The following GIMD1 variants were observed in gnomAD, a reference collection of about 807,000 sequenced individuals.
GIMD1 encodes the protein GTPase IMAP family member GIMD1.
In GIMD1, 14 loss-of-function variants were observed where a neutral mutation model predicts 14.9. That is an observed-to-expected ratio of 0.94 (90% confidence interval 0.62 to 1.47). GIMD1 has a LOEUF of 1.47. Ranked by LOEUF, GIMD1 falls within the 40% of genes most tolerant of loss-of-function variation. GIMD1 has a pLI of 0.00. For synonymous variants in GIMD1, 91 were observed against 90.5 expected, an observed-to-expected ratio of 1.01 and a Z score of -0.03; for missense variants, 272 against 255.3, an observed-to-expected ratio of 1.07 and a Z score of -0.44.
At chr4:106,365,540 T>G (rs1216349932) in intron 2 of GIMD1, among the ~76,000 whole-genome samples, 1 of 152,144 alleles carries the variant, frequency 6.6e-6, no homozygotes, top group Non-Finnish European at 1.5e-5. Flanking sequence ...CCTATGTCAG[T>G]ATGAGCTGAG....
intron 1 of GIMD1, among the ~76,000 whole-genome samples, chr4:106,368,174 T>G (rs1770734603): frequency 6.6e-6 from 1 of 152,076 alleles, no homozygotes; most frequent in Non-Finnish European, 1.5e-5. Flanking sequence ...ATAAAGAAAG[T>G]AAAGCCTAAC....
In GIMD1 at chr4:106,358,121, G is replaced by A; in HGVS notation, c.*62C>T. 7 of 1,100,566 alleles carry A rather than the reference G, an allele frequency of 6.4e-6. No homozygotes were observed. The highest frequency in any genetic ancestry group is 3.4e-5 in the South Asian group (2 of 58,004). 68.2% of individuals were successfully genotyped at this position (1,100,566 alleles called of 1,614,324 possible). A position where few individuals can be genotyped will look rare whatever the true frequency, so the allele number is the denominator to read the frequency against. On this transcript the variant is annotated 3_prime_UTR_variant, in exon 3 of 3. Coordinates refer to ENST00000638719, the MANE Select transcript of GIMD1 (RefSeq NM_001195138.2). ...ATGGTCCACATTCATGTCAATAAAG[G>A]CATTCTTTGTAGCTAGGTTTCTGAC... is the stretch of plus-strand genomic sequence containing the variant.
At position 106,358,349 on chromosome 4, in the gene GIMD1, A is replaced by G. The variant is rs1182831771; in HGVS notation, c.488T>C (p.Leu163Ser). 2.6e-6 allele frequency: 4 copies of G among 1,533,870 alleles called. No homozygotes were observed. Among genetic ancestry groups the G allele is most frequent in the Non-Finnish European group, 3.5e-6 (4 of 1,145,542 alleles). ...TTTCAGGGTATCAGAGGCCTCATGT[A>G]AATATTTATCTTCAGTAAGCCCAGC... ...EEAGLTEDKY[L>S]HEASDTLKTL... Residue 163 changes from leucine to serine, a missense_variant, in exon 3 of 3, where the codon TTA becomes TCA. Physicochemically the swap from Leu to Ser is moderately radical, Grantham distance 145. Coordinates refer to ENST00000638719, the MANE Select transcript of GIMD1 (RefSeq NM_001195138.2).
Position 106,367,361 on chromosome 4 carries a change from T to C in GIMD1, c.75A>G (p.Gly25=). 6.5e-7 allele frequency: 1 copy of C among 1,535,980 alleles called. No individual in the cohort carries two copies. ...GMTQSGKSSA[G]NILLGSTDFH... ...AGTCTGTGCTTCCCAGCAGAATGTTTCCAGCAGAACTTTTTCCACTCTGAG... is the reference window on the plus strand; with the variant it reads ...AGTCTGTGCTTCCCAGCAGAATGTTCCCAGCAGAACTTTTTCCACTCTGAG... The change falls in exon 2 of 3, where the codon GGA becomes GGG. Residue 25 remains glycine (G), a synonymous_variant. Transcript: ENST00000638719.
At position 106,358,213 on chromosome 4, in the gene GIMD1, C is replaced by A; in HGVS notation, c.624G>T (p.Glu208Asp). The change falls in exon 3 of 3, where the codon GAG becomes GAT. Residue 208 changes from glutamate to aspartate, a missense_variant. By Grantham distance (45) the Glu-to-Asp change is conservative (BLOSUM62 2). Transcript: ENST00000638719. Reference protein sequence around the residue: ...ILERIMEFIKENCYQVLTFK With the variant: ...ILERIMEFIKDNCYQVLTFK ...TAAATGTAAGAACTTGGTAACAGTT[C>A]TCTTTTATAAATTCCATGATTCTTT... 1 of 1,508,740 alleles carries A rather than the reference C, an allele frequency of 6.6e-7. No homozygotes were observed. Among genetic ancestry groups the A allele is most frequent in the South Asian group, 1.3e-5 (1 of 79,498 alleles). 93.5% of individuals were successfully genotyped at this position (1,508,740 alleles called of 1,614,324 possible).
In GIMD1 at chr4:106,358,069, T is replaced by C; in HGVS notation, c.*114A>G. The C allele has an allele frequency of 1.5e-6, 1 of 688,344 alleles. No individual in the cohort carries two copies. The highest frequency in any genetic ancestry group is 2.1e-5 in the South Asian group (1 of 47,094). 42.6% of individuals were successfully genotyped at this position (688,344 alleles called of 1,614,324 possible). ...CCAAAGTGGTTATACCAATGTACAC[T>C]CTCACCAGCAGCATATCAGAATACT... is the stretch of plus-strand genomic sequence containing the variant. On this transcript the variant is annotated 3_prime_UTR_variant, in exon 3 of 3. Coordinates refer to ENST00000638719, the MANE Select transcript of GIMD1 (RefSeq NM_001195138.2).
chr4:106,365,945 ACAC>A, intron 2 of GIMD1, among the ~76,000 whole-genome samples: 2 of 151,502 alleles, frequency 1.3e-5, no homozygotes, highest in African/African-American at 4.8e-5. Context: ...ACGTACACAC[ACAC>A]ACACACACAC....
intron 2 of GIMD1, among the ~76,000 whole-genome samples, chr4:106,359,887 C>T (rs1266461615): frequency 3.3e-5 from 5 of 151,914 alleles, no homozygotes; most frequent in Admixed American, 3.3e-4. Flanking sequence ...TCACCAATTA[C>T]AACTGATACA....
At chr4:106,358,518 C>A in intron 2 of GIMD1, 75 bp from the exon 3 acceptor site, 1 of 1,105,918 alleles carries the variant, frequency 9.0e-7, no homozygotes, top group South Asian at 1.7e-5. Flanking sequence ...TTATTACGGT[C>A]CAATATAGAT....
intron 2 of GIMD1, among the ~76,000 whole-genome samples, chr4:106,360,684 T>A (rs1032564993): frequency 6.6e-6 from 1 of 151,916 alleles, no homozygotes; most frequent in Non-Finnish European, 1.5e-5. Flanking sequence ...TTAGGGTGAG[T>A]CCCTGTCTAG....
intron 2 of GIMD1, among the ~76,000 whole-genome samples, chr4:106,363,041 AT>A (rs1161477110): frequency 6.6e-6 from 1 of 151,700 alleles, no homozygotes; most frequent in Non-Finnish European, 1.5e-5. Context: ...ATTTTTCCAG[AT>A]TTTTTTTCTA....
At chr4:106,366,106 A>T (rs1770695885) in intron 2 of GIMD1, among the ~76,000 whole-genome samples, 1 of 151,986 alleles carries the variant, frequency 6.6e-6, no homozygotes, top group Non-Finnish European at 1.5e-5. Flanking sequence ...GGAATAGACC[A>T]CCAGGGAAAG....
chr4:106,358,698 T>C (rs564796729), intron 2 of GIMD1, among the ~76,000 whole-genome samples: 4 of 152,054 alleles, frequency 2.6e-5, no homozygotes, highest in African/African-American at 7.2e-5. Context: ...ATAATTGATA[T>C]ATACACAACC....
chr4:106,365,530 C>A, intron 2 of GIMD1, among the ~76,000 whole-genome samples: 1 of 151,964 alleles, frequency 6.6e-6, no homozygotes, highest in East Asian at 1.9e-4. Context: ...TGTAACAGGG[C>A]CTATGTCAGT....
At chr4:106,365,913 G>A (rs3018061) in intron 2 of GIMD1, among the ~76,000 whole-genome samples, 38,083 of 150,848 alleles carry the variant, frequency 0.25, 5,322 homozygotes, top group Middle Eastern at 0.39. Context: ...CACATCATAT[G>A]CACACACACA....
chr4:106,367,025 A>T lies in GIMD1; in HGVS notation c.393+18T>A. On this transcript the variant is annotated intron_variant, in intron 2 of 2. Coordinates refer to ENST00000638719, the MANE Select transcript of GIMD1 (RefSeq NM_001195138.2). ...AAGAAGTAATAATGGCATTAGTGTA[A>T]TTGCATCTTAGTATTACCTGGATCA... is the stretch of plus-strand genomic sequence containing the variant. The T allele has an allele frequency of 1.4e-6, 2 of 1,447,874 alleles. No homozygotes were observed. Among genetic ancestry groups the T allele is most frequent in the South Asian group, 2.8e-5 (2 of 71,570 alleles). The allele number at this position is 1,447,874 out of a possible 1,614,324, so 89.7% of individuals were successfully genotyped here.
At position 106,357,457 on chromosome 4, in the gene GIMD1, T is replaced by C. The variant is rs1448783664; in HGVS notation, c.*726A>G. The C allele has an allele frequency of 6.6e-6, 1 of 152,122 alleles. No homozygotes were observed. The highest frequency in any genetic ancestry group is 1.9e-4 in the East Asian group (1 of 5,180). 9.4% of individuals were successfully genotyped at this position (152,122 alleles called of 1,614,324 possible). ...AAATATAGCATATACAAGTAGTTTA[T>C]AAATCACAAGTGTTTGTTGTTGCAT... On this transcript the variant is annotated 3_prime_UTR_variant, in exon 3 of 3. Transcript: ENST00000638719.
intron 2 of GIMD1, among the ~76,000 whole-genome samples, chr4:106,359,455 T>C (rs1358826396): frequency 1.3e-5 from 2 of 151,846 alleles, no homozygotes; most frequent in Non-Finnish European, 2.9e-5. Flanking sequence ...TAGTGCCAGA[T>C]ATTATGCTAA....
At chr4:106,367,495 A>G (rs1387480862) in intron 1 of GIMD1, 58 bp from the exon 2 acceptor site, 5 of 1,434,270 alleles carry the variant, frequency 3.5e-6, no homozygotes, top group African/African-American at 1.4e-5. Flanking sequence ...CCCCAATGTA[A>G]GTTTTCTTAC....
Sources: allele counts gnomAD v4.1 joint callset (sites outside exome capture counted in the v4.1 genomes callset), GRCh38; gene constraint gnomAD v4.1.1; transcripts MANE v1.5; gene names NCBI Gene and HGNC (gene_info 2026-07-23, HGNC 2026-07-21).